Variants in UHRF1 observed in about 807,000 individuals in gnomAD.
UHRF1 encodes E3 ubiquitin-protein ligase UHRF1.
In UHRF1, 9 loss-of-function variants were observed where a neutral mutation model predicts 96.5. That is an observed-to-expected ratio of 0.09 (90% CI 0.06 to 0.16). The LOEUF (loss-of-function observed/expected upper bound fraction) is 0.16, where lower values mean the gene tolerates loss of function less well. UHRF1 is among the 10% of genes least tolerant of loss of function. The pLI, the probability that UHRF1 is intolerant of heterozygous loss-of-function variation, is 1.00. For synonymous variants in UHRF1, 455 were observed against 469.9 expected, an observed-to-expected ratio of 0.97 and a Z score of 0.41; for missense variants, 626 against 1,131.1, an observed-to-expected ratio of 0.55 and a Z score of 6.40.
rs571409509 is a variant in UHRF1, at chr19:4,950,813, C to T, written c.1680+40C>T. 5.0e-5 allele frequency: 80 copies of T among 1,613,920 alleles called. No individual in the cohort carries two copies. The South Asian group carries it at 6.9e-4, about 14-fold the overall frequency. On this transcript the variant is annotated intron_variant, in intron 12 of 16. Coordinates refer to ENST00000650932, the MANE Select transcript of UHRF1 (RefSeq NM_001048201.3). ...AGGAGGCCGGGGGCTCTGTCCCCGC[C>T]GGGGCTGCCTCTGATGGAGCTGACG... is the stretch of plus-strand genomic sequence containing the variant.
chr19:4,917,514 G>T (rs2032561174), intron 2 of UHRF1, among the ~76,000 whole-genome samples: 1 of 151,572 alleles, frequency 6.6e-6, no homozygotes, highest in Non-Finnish European at 1.5e-5. Context: ...ATTAGCTGGG[G>T]ATGGTGGTGC....
intron 2 of UHRF1, 38 bp downstream of exon 2, chr19:4,911,076 C>G: frequency 2.7e-6 from 4 of 1,487,534 alleles, no homozygotes; most frequent in Non-Finnish European, 3.6e-6. Flanking sequence ...TATGCCTGGT[C>G]CAGGCCTCGC....
rs2033500069 is a variant in UHRF1, at chr19:4,944,332, G to A, written c.1198-11G>A. 14 of 1,614,042 alleles carry A rather than the reference G, an allele frequency of 8.7e-6. No individual in the cohort carries two copies. The highest frequency in any genetic ancestry group is 1.2e-5 in the Non-Finnish European group (14 of 1,179,898). ...TCACGCTGTTGTTCTTTGTGTCTGT[G>A]CCTGGGACAGGGCATGGCCTGTGTG... is the stretch of plus-strand genomic sequence containing the variant. On this transcript the variant is annotated splice_polypyrimidine_tract_variant and intron_variant, in intron 8 of 16. Transcript: ENST00000650932.
intron 3 of UHRF1, 92 bp downstream of exon 3, chr19:4,929,568 A>G: frequency 6.6e-7 from 1 of 1,512,932 alleles, no homozygotes; most frequent in Non-Finnish European, 8.9e-7. Flanking sequence ...GGGGCTTCCC[A>G]CGCGCCTCTC....
intron 1 of UHRF1, among the ~76,000 whole-genome samples, chr19:4,904,401 A>G (rs2602716): frequency 0.85 from 128,857 of 151,948 alleles, 55,168 homozygotes; most frequent in East Asian, 0.98. Flanking sequence ...GGATGGTCTC[A>G]ATCTCCTGAC....
At chr19:4,928,578 G>GGT (rs1213579720) in intron 2 of UHRF1, among the ~76,000 whole-genome samples, 1 of 152,216 alleles carries the variant, frequency 6.6e-6, no homozygotes, top group Non-Finnish European at 1.5e-5. Context: ...GGTCAGAGGA[G>GGT]GTGCCCTGGC....
Position 4,918,735 on chromosome 19 carries a change from T to C in UHRF1, c.153+7697T>C, listed in dbSNP as rs901656234. On this transcript the variant is annotated intron_variant, in intron 2 of 16. Coordinates refer to ENST00000650932, the MANE Select transcript of UHRF1 (RefSeq NM_001048201.3). ...AGCTGGTTTTTTTTTTTTTTTTTTT[T>C]TTTTAGACAGGCTCTTGCTCTGTTG... Among the ~76,000 whole-genome samples the C allele has an allele frequency of 4.6e-3, 689 of 149,290 alleles. 5 individuals carry two copies. The highest frequency in any genetic ancestry group is 0.016 in the African/African-American group (631 of 40,314).
At chr19:4,943,053 G>C (rs1422455235) in intron 7 of UHRF1, among the ~76,000 whole-genome samples, 3 of 151,886 alleles carry the variant, frequency 2.0e-5, no homozygotes, top group Admixed American at 1.3e-4. Flanking sequence ...GCCTGGCCAA[G>C]ATGGTGAAAC....
At chr19:4,951,857 C>T (rs1253779986) in intron 13 of UHRF1, among the ~76,000 whole-genome samples, 1 of 152,160 alleles carries the variant, frequency 6.6e-6, no homozygotes, top group Non-Finnish European at 1.5e-5. Context: ...CGCAGCATTT[C>T]AGCACCAGTT....
chr19:4,942,398 G>C (rs964858149), intron 7 of UHRF1, among the ~76,000 whole-genome samples: 1 of 151,584 alleles, frequency 6.6e-6, no homozygotes, highest in Non-Finnish European at 1.5e-5. Flanking sequence ...CACCTTGTTA[G>C]CCAGGATGTT....
At chr19:4,904,464 C>A (rs536013491) in intron 1 of UHRF1, among the ~76,000 whole-genome samples, 40 of 152,298 alleles carry the variant, frequency 2.6e-4, no homozygotes, top group African/African-American at 9.4e-4. Flanking sequence ...CAGGCGTGAG[C>A]CACCGCACCC....
upstream of UHRF1, among the ~76,000 whole-genome samples, chr19:4,908,842 C>T (rs1347092941): frequency 6.6e-6 from 1 of 152,194 alleles, no homozygotes; most frequent in Non-Finnish European, 1.5e-5. Context: ...GCAACCTGTC[C>T]GGCTGCTTTG....
upstream of UHRF1, among the ~76,000 whole-genome samples, chr19:4,905,617 A>G (rs1322137877): frequency 1.3e-5 from 2 of 151,914 alleles, no homozygotes. Context: ...TCCTGGGTTC[A>G]AGCAATTCTT....
chr19:4,935,257 C>T (rs1436077839), intron 5 of UHRF1, among the ~76,000 whole-genome samples: 2 of 152,100 alleles, frequency 1.3e-5, no homozygotes, highest in African/African-American at 2.4e-5. Flanking sequence ...CGTGAGCCAC[C>T]GCACCCAGCC....
chr19:4,946,579 G>GT (rs150003603), intron 10 of UHRF1, among the ~76,000 whole-genome samples: 11,769 of 145,300 alleles, frequency 0.081, 639 homozygotes, highest in East Asian at 0.15. Flanking sequence ...GTTGAGTGTT[G>GT]TTTTTTTTTT....
Position 4,941,646 on chromosome 19 carries a change from C to G in UHRF1, c.886+18C>G. On this transcript the variant is annotated intron_variant, in intron 6 of 16. Transcript: ENST00000650932. ...CATGAGACGTGAGTTCTGAGCCAGC[C>G]TTTCCCCATCTTCCGCGGTGGGCAC... 1.2e-6 allele frequency: 2 copies of G among 1,608,578 alleles called. No homozygotes were observed.
intron 9 of UHRF1, among the ~76,000 whole-genome samples, chr19:4,945,320 G>A (rs1313162434): frequency 1.3e-5 from 2 of 152,086 alleles, no homozygotes; most frequent in Non-Finnish European, 2.9e-5. Context: ...GTGCAGTGGT[G>A]CGGTCTTGGC....
intron 11 of UHRF1, among the ~76,000 whole-genome samples, chr19:4,950,057 G>A (rs1313673975): frequency 6.8e-6 from 1 of 146,588 alleles, no homozygotes; most frequent in Non-Finnish European, 1.5e-5. Flanking sequence ...TTTTTGTGGA[G>A]ATGGGGTTTT....
At chr19:4,903,149 C>T (rs535047343) in exon 1 of UHRF1, 1 of 320,244 alleles carries the variant, frequency 3.1e-6, no homozygotes, top group Non-Finnish European at 6.0e-6. Flanking sequence ...GCCTCAGCCT[C>T]CTGAGTAGCT....
Sources: allele counts gnomAD v4.1 joint callset (sites outside exome capture counted in the v4.1 genomes callset), GRCh38; gene constraint gnomAD v4.1.1; transcripts MANE v1.5; gene names NCBI Gene and HGNC (gene_info 2026-07-23, HGNC 2026-07-21).